Variants in ADCY9 observed in about 807,000 individuals in gnomAD.
ADCY9 encodes the protein adenylate cyclase 9.
A neutral mutation model predicts 101.5 loss-of-function variants in ADCY9; 50 were observed. That is an observed-to-expected ratio of 0.49 (90% CI 0.39 to 0.62). ADCY9 has a LOEUF of 0.62. ADCY9 is among the 20% of genes least tolerant of loss of function. The probability of loss-of-function intolerance (pLI) is 0.00; values close to 1 mark genes in which losing one functional copy is unlikely to be tolerated. For missense variants in ADCY9, 1,662 were observed against 1,800.4 expected (o/e 0.92, Z 1.39); for synonymous variants, 905 against 769.3 (o/e 1.18, Z -2.92).
Position 4,115,005 on chromosome 16 carries a change from G to C in ADCY9, c.438C>G (p.Val146=), listed in dbSNP as rs759563037. ...VHMRSRLIVM[V]APALCFLLVC... is the part of the protein sequence containing the mutation. ...CCAGGAGGAAGCACAGCGCGGGGGC[G>C]ACCATGACGATCAGTCTGGATCTCA... Residue 146 remains valine, a synonymous_variant, in exon 2 of 11, where the codon GTC becomes GTG. Transcript: ENST00000294016. The surrounding 1 kb of genome is among the most constrained non-coding windows in gnomAD (Gnocchi z 6.2). 3 of 1,614,102 alleles carry C rather than the reference G, an allele frequency of 1.9e-6. No individual in the cohort carries two copies. Among genetic ancestry groups the C allele is most frequent in the East Asian group, 4.5e-5 (2 of 44,890 alleles).
At chr16:4,106,728 T>C (rs1345259584) in intron 2 of ADCY9, among the ~76,000 whole-genome samples, 6 of 152,262 alleles carry the variant, frequency 3.9e-5, no homozygotes, top group African/African-American at 1.4e-4. Flanking sequence ...CGCAGGCTTC[T>C]GCACACTCTG....
chr16:4,011,643 T>A (rs2056405209), intron 2 of ADCY9, among the ~76,000 whole-genome samples: 1 of 152,172 alleles, frequency 6.6e-6, no homozygotes, highest in African/African-American at 2.4e-5. Context: ...AATCCCGTGA[T>A]CTAAGTGAGC....
intron 3 of ADCY9, among the ~76,000 whole-genome samples, chr16:3,994,694 G>A (rs892498974): frequency 6.6e-6 from 1 of 152,194 alleles, no homozygotes; most frequent in Non-Finnish European, 1.5e-5. Flanking sequence ...CTGACCTCAG[G>A]TGATCCACCC....
intron 2 of ADCY9, among the ~76,000 whole-genome samples, chr16:4,019,419 T>G (rs1360296547): frequency 6.6e-6 from 1 of 152,202 alleles, no homozygotes; most frequent in African/African-American, 2.4e-5. Context: ...ATTTATGCCT[T>G]AAGAAAATCC....
At chr16:4,047,509 A>G (rs1219961173) in intron 2 of ADCY9, among the ~76,000 whole-genome samples, 4 of 143,226 alleles carry the variant, frequency 2.8e-5, no homozygotes, top group Non-Finnish European at 5.9e-5. Flanking sequence ...GGGCAATTGG[A>G]TTGACAATTG....
intron 2 of ADCY9, among the ~76,000 whole-genome samples, chr16:4,035,622 G>A (rs2056583948): frequency 6.6e-6 from 1 of 152,124 alleles, no homozygotes; most frequent in African/African-American, 2.4e-5. Flanking sequence ...TGGTTTCAGG[G>A]AATCCTCACT....
intron 2 of ADCY9, among the ~76,000 whole-genome samples, chr16:4,023,253 A>G (rs2056490411): frequency 6.6e-6 from 1 of 152,240 alleles, no homozygotes; most frequent in African/African-American, 2.4e-5. Context: ...CACCTGACTC[A>G]GTGGTAGGAA....
chr16:4,045,191 T>C (rs111744843), intron 2 of ADCY9, among the ~76,000 whole-genome samples: 2,031 of 152,136 alleles, frequency 0.013, 24 homozygotes, highest in African/African-American at 0.022. Flanking sequence ...GGTAGACACT[T>C]GACAAATATT....
chr16:3,977,675 C>A lies in ADCY9; in HGVS notation c.2680-45G>T, dbSNP rs960583841. On this transcript the variant is annotated intron_variant, in intron 8 of 10. Coordinates refer to ENST00000294016, the MANE Select transcript of ADCY9 (RefSeq NM_001116.4). ...AGGACAGCCGCCCAGGGCCACCCCG[C>A]CACCCCTGCTATACCCGGCCGCCAA... 3.2e-6 allele frequency: 5 copies of A among 1,584,668 alleles called. No individual in the cohort carries two copies. In the African/African-American group the frequency reaches 6.7e-5, roughly 21 times the overall value.
At chr16:4,096,023 C>A (rs1029214449) in intron 2 of ADCY9, among the ~76,000 whole-genome samples, 1 of 149,938 alleles carries the variant, frequency 6.7e-6, no homozygotes, top group Non-Finnish European at 1.5e-5. Context: ...TCTAACGATA[C>A]CCTGCTTTAT....
rs1293297230 is a variant in ADCY9 at position 4,114,093 on chromosome 16, G to C, written c.1350C>G (p.Gly450=). ...CATGGTCGGCCCGGGGCTCGGGACA[G>C]CCCGCCACGCAGTAGTAACAGTCTC... ...TLGDCYYCVA[G]CPEPRADHAY... Residue 450 remains glycine (G), a synonymous_variant, in exon 2 of 11, where the codon GGC becomes GGG. Transcript: ENST00000294016. This position sits in a 1 kb window ranked among gnomAD's most constrained non-coding sequence, Gnocchi z 4.3. The C allele has an allele frequency of 6.2e-7, 1 of 1,613,844 alleles. No homozygotes were observed. Among genetic ancestry groups the C allele is most frequent in the Non-Finnish European group, 8.5e-7 (1 of 1,180,042 alleles).
intron 10 of ADCY9, among the ~76,000 whole-genome samples, chr16:3,969,612 A>ATATATGTTT (rs1343824711): frequency 1.4e-5 from 1 of 70,894 alleles, no homozygotes. Flanking sequence ...ATATATATGT[A>ATATATGTTT]TTTTTTTTTT....
chr16:4,061,287 A>T (rs1467620155), intron 2 of ADCY9, among the ~76,000 whole-genome samples: 2 of 152,140 alleles, frequency 1.3e-5, no homozygotes, highest in Admixed American at 6.6e-5. Flanking sequence ...GAAGCAGAAA[A>T]AATTTTTTGA....
intron 2 of ADCY9, among the ~76,000 whole-genome samples, chr16:4,045,401 CCTGA>C (rs1262521060): frequency 6.6e-6 from 1 of 151,798 alleles, no homozygotes; most frequent in African/African-American, 2.4e-5. Context: ...TCGCGACCAG[CCTGA>C]CTAACATGGT....
intron 2 of ADCY9, among the ~76,000 whole-genome samples, chr16:4,016,779 G>A (rs990985091): frequency 1.3e-5 from 2 of 152,226 alleles, no homozygotes; most frequent in African/African-American, 4.8e-5. Flanking sequence ...GGCATAGGGA[G>A]ATCTGTAGAC....
chr16:4,095,883 A>C (rs1291576188), intron 2 of ADCY9, among the ~76,000 whole-genome samples: 2 of 151,626 alleles, frequency 1.3e-5, no homozygotes, highest in Non-Finnish European at 2.9e-5. Flanking sequence ...AGGCTGAGGC[A>C]CAAGACTCAC....
intron 2 of ADCY9, among the ~76,000 whole-genome samples, chr16:4,100,522 G>T (rs1384917000): frequency 6.6e-6 from 1 of 151,926 alleles, no homozygotes; most frequent in Middle Eastern, 3.2e-3. Context: ...GTAGACACGG[G>T]GTTTTGCCAT....
chr16:4,011,549 G>A (rs887993368), intron 2 of ADCY9, among the ~76,000 whole-genome samples: 1 of 152,224 alleles, frequency 6.6e-6, no homozygotes, highest in Admixed American at 6.5e-5. Context: ...GAGAGGCAAG[G>A]CTCCCATTAC....
intron 2 of ADCY9, among the ~76,000 whole-genome samples, chr16:4,099,403 T>C (rs1430458286): frequency 6.6e-6 from 1 of 152,236 alleles, no homozygotes; most frequent in African/African-American, 2.4e-5. Flanking sequence ...GGTGGCATTA[T>C]TTCCTCATAG....
Sources: allele counts gnomAD v4.1 joint callset (sites outside exome capture counted in the v4.1 genomes callset), GRCh38; gene constraint gnomAD v4.1.1; non-coding constraint Gnocchi (gnomAD v3.1); transcripts MANE v1.5; gene names NCBI Gene and HGNC (gene_info 2026-07-23, HGNC 2026-07-21).